CSMD1: variants seen among roughly 807,000 people sequenced by gnomAD.
The protein encoded by CSMD1 is CUB and Sushi multiple domains 1, also known as CUB and sushi domain-containing protein 1.
In CSMD1, 213 loss-of-function variants were observed where a neutral mutation model predicts 417.5. That is an observed-to-expected ratio of 0.51 (90% CI 0.46 to 0.57). The LOEUF is 0.57. CSMD1 is among the 20% of genes least tolerant of loss of function. The probability of loss-of-function intolerance (pLI) is 0.00; values close to 1 mark genes in which losing one functional copy is unlikely to be tolerated. For synonymous variants in CSMD1, 2,862 were observed against 1,736.8 expected (o/e 1.65, Z -16.11); for missense variants, 6,923 against 4,529.7 (o/e 1.53, Z -15.17).
At chr8:4,790,051 G>C (rs1349025574) in intron 1 of CSMD1, among the ~76,000 whole-genome samples, 3 of 152,162 alleles carry the variant, frequency 2.0e-5, no homozygotes, top group African/African-American at 7.2e-5. Context: ...TGAATCTTCA[G>C]AGAATTCTAG....
chr8:2,958,457 C>T (rs1292512041), intron 62 of CSMD1, among the ~76,000 whole-genome samples: 1 of 152,230 alleles, frequency 6.6e-6, no homozygotes, highest in Admixed American at 6.5e-5. Flanking sequence ...CCACAGTGTC[C>T]TGGAATTACC....
chr8:3,604,511 G>A (rs1047033085), intron 8 of CSMD1, among the ~76,000 whole-genome samples: 3 of 152,088 alleles, frequency 2.0e-5, no homozygotes, highest in African/African-American at 7.2e-5. Context: ...AAAGAGGAGA[G>A]CCAATACCAC....
intron 50 of CSMD1, among the ~76,000 whole-genome samples, chr8:3,042,604 C>T (rs1490539350): frequency 6.6e-6 from 1 of 152,044 alleles, no homozygotes; most frequent in Non-Finnish European, 1.5e-5. Context: ...CATAAAAGGA[C>T]CATCTTCAGT....
At chr8:4,032,425 G>C (rs996394289) in intron 3 of CSMD1, among the ~76,000 whole-genome samples, 1 of 149,174 alleles carries the variant, frequency 6.7e-6, no homozygotes, top group Non-Finnish European at 1.5e-5. Context: ...CTCCTATAGT[G>C]AGCAACCAGA....
chr8:3,603,094 G>C (rs151081965), intron 8 of CSMD1, among the ~76,000 whole-genome samples: 1 of 152,192 alleles, frequency 6.6e-6, no homozygotes, highest in Non-Finnish European at 1.5e-5. Context: ...TTCAGAGTGT[G>C]TCATTTTTCA....
At chr8:3,168,054 G>GA (rs34284607) in intron 37 of CSMD1, among the ~76,000 whole-genome samples, 3,982 of 128,568 alleles carry the variant, frequency 0.031, 172 homozygotes, top group African/African-American at 0.1. Context: ...ATCACAATTA[G>GA]AAAAAAAAAA....
chr8:4,713,409 G>C (rs552726883), intron 1 of CSMD1, among the ~76,000 whole-genome samples: 2 of 150,752 alleles, frequency 1.3e-5, no homozygotes, highest in East Asian at 2.0e-4. Flanking sequence ...GTTTTGTTTT[G>C]TTTTGTTTTT....
intron 52 of CSMD1, among the ~76,000 whole-genome samples, chr8:3,007,609 G>A (rs137972128): frequency 0.13 from 19,113 of 149,140 alleles, 3,785 homozygotes; most frequent in African/African-American, 0.43. Context: ...TGATGAGTTC[G>A]TGTCCTTCGT....
chr8:3,191,588 A>C (rs1469197751), intron 33 of CSMD1, among the ~76,000 whole-genome samples: 27 of 152,176 alleles, frequency 1.8e-4, no homozygotes, highest in Admixed American at 1.7e-3. Flanking sequence ...ACGTGTGTGT[A>C]TCTCATGGGC....
At chr8:4,729,147 G>A (rs1427759620) in intron 1 of CSMD1, among the ~76,000 whole-genome samples, 2 of 152,050 alleles carry the variant, frequency 1.3e-5, no homozygotes, top group African/African-American at 4.8e-5. Flanking sequence ...AAGAACACAA[G>A]GACAGGCTAA....
intron 1 of CSMD1, among the ~76,000 whole-genome samples, chr8:4,919,604 G>T (rs4875407): frequency 1.3e-5 from 2 of 152,000 alleles, no homozygotes; most frequent in African/African-American, 4.8e-5. Context: ...ACTAAATGTA[G>T]TAACAATTTG....
intron 3 of CSMD1, among the ~76,000 whole-genome samples, chr8:4,245,793 CA>C (rs1802669524): frequency 6.6e-6 from 1 of 152,056 alleles, no homozygotes; most frequent in Non-Finnish European, 1.5e-5. Context: ...ATTTTCTTAA[CA>C]AAATTAGGCA....
intron 3 of CSMD1, among the ~76,000 whole-genome samples, chr8:4,103,685 C>T (rs1384729118): frequency 6.6e-6 from 1 of 152,096 alleles, no homozygotes; most frequent in Non-Finnish European, 1.5e-5. Context: ...TGATTATAAA[C>T]TGGAGTGAAT....
chr8:3,446,312 G>T (rs1815305071), intron 12 of CSMD1, among the ~76,000 whole-genome samples: 1 of 152,170 alleles, frequency 6.6e-6, no homozygotes, highest in Non-Finnish European at 1.5e-5. Context: ...TACCTTTTCA[G>T]ATCATTTTCC....
chr8:3,213,213 A>G (rs971934510), intron 30 of CSMD1, among the ~76,000 whole-genome samples: 2 of 152,240 alleles, frequency 1.3e-5, no homozygotes, highest in African/African-American at 4.8e-5. Context: ...CATTTGTTTC[A>G]TAATTTATCA....
chr8:4,853,626 G>C (rs1037600229), intron 1 of CSMD1, among the ~76,000 whole-genome samples: 1 of 152,202 alleles, frequency 6.6e-6, no homozygotes, highest in Non-Finnish European at 1.5e-5. Context: ...ATGTGGCATT[G>C]GAACCCCATG....
At chr8:3,979,109 A>C (rs543628256) in intron 5 of CSMD1, among the ~76,000 whole-genome samples, 1 of 152,204 alleles carries the variant, frequency 6.6e-6, no homozygotes, top group South Asian at 2.1e-4. Flanking sequence ...GCATTTAGAG[A>C]GCTCTACTTC....
intron 18 of CSMD1, among the ~76,000 whole-genome samples, chr8:3,370,787 C>A (rs984627513): frequency 1.3e-5 from 2 of 152,120 alleles, no homozygotes; most frequent in Non-Finnish European, 2.9e-5. Context: ...CCAGCCTGGC[C>A]AGCATGGCAA....
intron 3 of CSMD1, among the ~76,000 whole-genome samples, chr8:4,195,774 T>C (rs1189153566): frequency 6.6e-6 from 1 of 152,176 alleles, no homozygotes; most frequent in Non-Finnish European, 1.5e-5. Context: ...TAGTGGATTC[T>C]GCACACAACC....
Sources: allele counts gnomAD v4.1 joint callset (sites outside exome capture counted in the v4.1 genomes callset), GRCh38; gene constraint gnomAD v4.1.1; transcripts MANE v1.5; gene names NCBI Gene and HGNC (gene_info 2026-07-23, HGNC 2026-07-21).